Variants in VPS39 observed in about 807,000 individuals in gnomAD.
VPS39 encodes VPS39 subunit of HOPS complex.
A neutral mutation model predicts 121.0 loss-of-function variants in VPS39; 70 were observed. That is an observed-to-expected ratio of 0.58 (90% CI 0.48 to 0.71). The LOEUF is 0.71. Ranked by LOEUF, VPS39 falls within the 30% of genes least tolerant of loss-of-function variation. The pLI, the probability that VPS39 is intolerant of heterozygous loss-of-function variation, is 0.00. For missense variants in VPS39, 818 were observed against 1,051.5 expected, an observed-to-expected ratio of 0.78 and a Z score of 3.07; for synonymous variants, 378 against 398.1, an observed-to-expected ratio of 0.95 and a Z score of 0.60.
intron 12 of VPS39, 136 bp from the exon 13 acceptor site, chr15:42,167,673 C>T (rs574254166): frequency 4.4e-5 from 49 of 1,116,466 alleles, no homozygotes; most frequent in Non-Finnish European, 6.2e-5. Flanking sequence ...ATTTTTAGCA[C>T]TGCCAAATTG....
chr15:42,187,195 T>C, intron 7 of VPS39, 76 bp downstream of exon 7: 1 of 1,214,612 alleles, frequency 8.2e-7, no homozygotes, highest in Non-Finnish European at 1.2e-6. Context: ...AAGTGGTCGC[T>C]TGACCTGGAG....
chr15:42,177,712 G>A (rs144105727), intron 10 of VPS39, among the ~76,000 whole-genome samples: 1,536 of 151,544 alleles, frequency 0.01, 89 homozygotes, highest in Admixed American at 0.088. Context: ...TGTCACCCAA[G>A]CTGGAGTGCA....
chr15:42,178,847 T>G (rs987681714), intron 8 of VPS39: 4 of 344,786 alleles, frequency 1.2e-5, no homozygotes, highest in Non-Finnish European at 2.2e-5. Context: ...ACAAAAACAT[T>G]TATTAAAAAA....
At chr15:42,195,846 A>T (rs1180059769) in intron 2 of VPS39, among the ~76,000 whole-genome samples, 2 of 152,250 alleles carry the variant, frequency 1.3e-5, no homozygotes, top group Non-Finnish European at 1.5e-5. Context: ...AAACCAAAAA[A>T]GAGCCTGCAT....
rs1423340602 is a variant in VPS39 at position 42,199,482 on chromosome 15, C to G, written c.139+414G>C. ...CCTGGTCCTCTCTTCTTGTTCTACC[C>G]CTCATAAGCCAACAAGATATTTTAA... On this transcript the variant is annotated intron_variant, in intron 2 of 24. Transcript: ENST00000318006. 8 of 406,014 alleles carry G rather than the reference C, an allele frequency of 2.0e-5. No homozygotes were observed. In the Admixed American group the frequency reaches 2.2e-4, roughly 11 times the overall value. The allele number at this position is 406,014 out of a possible 1,614,324, so 25.2% of individuals were successfully genotyped here. A position where few individuals can be genotyped will look rare whatever the true frequency, so the allele number is the denominator to read the frequency against.
chr15:42,203,820 A>G (rs1683046664), intron 1 of VPS39, among the ~76,000 whole-genome samples: 1 of 152,236 alleles, frequency 6.6e-6, no homozygotes, highest in Non-Finnish European at 1.5e-5. Context: ...TTATTTAACA[A>G]AGCTGTGCAT....
At chr15:42,195,571 A>G (rs1046622511) in intron 2 of VPS39, among the ~76,000 whole-genome samples, 1 of 152,216 alleles carries the variant, frequency 6.6e-6, no homozygotes, top group African/African-American at 2.4e-5. Context: ...CCCATTCACA[A>G]TTGCTTCAAA....
intron 1 of VPS39, 72 bp downstream of exon 1, chr15:42,208,009 T>A (rs199546148): frequency 6.6e-7 from 1 of 1,512,038 alleles, no homozygotes. Context: ...CCTGTCCACT[T>A]CCCCGGCCTC....
chr15:42,181,834 C>CA (rs1595663848), intron 8 of VPS39, among the ~76,000 whole-genome samples: 1 of 152,224 alleles, frequency 6.6e-6, no homozygotes, highest in East Asian at 1.9e-4. Flanking sequence ...CTCAGCCACC[C>CA]AAGTCCTGGG....
intron 10 of VPS39, among the ~76,000 whole-genome samples, chr15:42,174,746 G>A (rs1595654710): frequency 6.6e-6 from 1 of 152,080 alleles, no homozygotes; most frequent in African/African-American, 2.4e-5. Context: ...GGCCGAGGTG[G>A]GCAGATCACC....
chr15:42,178,258 A>T lies in VPS39; in HGVS notation c.920T>A (p.Leu307His). ...CAATTCAAACTGCTTGTCCTGGAGAAGTTGTTGGATTTGGGTTGCCATGGG... is the reference window on the plus strand; with the variant it reads ...CAATTCAAACTGCTTGTCCTGGAGATGTTGTTGGATTTGGGTTGCCATGGG... ...PVPMATQIQQ[L>H]LQDKQFELAL... The change falls in exon 10 of 25, where the codon CTT (leucine) becomes CAT (histidine). Residue 307 changes from leucine (L) to histidine (H), a missense_variant. Leu to His is a moderately conservative substitution (Grantham distance 99). Transcript: ENST00000318006. The T allele has an allele frequency of 6.2e-7, 1 of 1,614,188 alleles. No homozygotes were observed. The highest frequency in any genetic ancestry group is 8.5e-7 in the Non-Finnish European group (1 of 1,180,028).
intron 1 of VPS39, among the ~76,000 whole-genome samples, chr15:42,205,770 GACT>G (rs1355406596): frequency 6.6e-6 from 1 of 152,150 alleles, no homozygotes; most frequent in Non-Finnish European, 1.5e-5. Flanking sequence ...TCAATGAGAA[GACT>G]ACTACAGTAA....
At chr15:42,200,100 T>A in intron 1 of VPS39, 139 bp from the exon 2 acceptor site, 1 of 758,286 alleles carries the variant, frequency 1.3e-6, no homozygotes, top group Non-Finnish European at 2.0e-6. Context: ...GAGTTGCTTT[T>A]GATAGGAGGT....
intron 2 of VPS39, among the ~76,000 whole-genome samples, chr15:42,195,967 AC>A: frequency 6.6e-6 from 1 of 152,354 alleles, no homozygotes; most frequent in Non-Finnish European, 1.5e-5. Flanking sequence ...TGGAACCAAA[AC>A]AGAGATAGAG....
At position 42,164,663 on chromosome 15, in the gene VPS39, C is replaced by T. The variant is rs978011057; in HGVS notation, c.1898-177G>A. Reference sequence around the variant, plus strand: ...TAGTCTCCATGTGGCCCCAAAACATCAGCTTACGGTTAAAAAAATAAGCTG... The same window carrying T: ...TAGTCTCCATGTGGCCCCAAAACATTAGCTTACGGTTAAAAAAATAAGCTG... On this transcript the variant is annotated intron_variant, in intron 18 of 24. Transcript: ENST00000318006. The T allele has an allele frequency of 1.3e-5, 19 of 1,437,038 alleles. No homozygotes were observed. In the African/African-American group the frequency reaches 2.2e-4, roughly 16 times the overall value. The allele number at this position is 1,437,038 out of a possible 1,614,324, so 89.0% of individuals were successfully genotyped here. A position where few individuals can be genotyped will look rare whatever the true frequency, so the allele number is the denominator to read the frequency against.
intron 12 of VPS39, among the ~76,000 whole-genome samples, chr15:42,168,348 GCA>G (rs2049284196): frequency 6.6e-6 from 1 of 152,110 alleles, no homozygotes; most frequent in Non-Finnish European, 1.5e-5. Flanking sequence ...TTTTTACTTA[GCA>G]CAGTGTGTGC....
intron 2 of VPS39, among the ~76,000 whole-genome samples, chr15:42,197,222 C>T (rs547557469): frequency 6.0e-5 from 9 of 149,894 alleles, no homozygotes; most frequent in East Asian, 2.0e-4. Flanking sequence ...ATATACCTAA[C>T]GTAAATGACG....
rs999639747 is a variant in VPS39 at position 42,166,842 on chromosome 15, G to A, written c.1449C>T (p.His483=). Residue 483 remains histidine, a synonymous_variant, in exon 14 of 25, where the codon CAC becomes CAT. Transcript: ENST00000318006. ...TGTACTTGTGAGCCTTCTTTAGCACGTGCTCGCTCTCCTCGATGTGGCAGT... is the reference window on the plus strand; with the variant it reads ...TGTACTTGTGAGCCTTCTTTAGCACATGCTCGCTCTCCTCGATGTGGCAGT... ...NNHCHIEESE[H]VLKKAHKYSE... The A allele has an allele frequency of 3.7e-6, 6 of 1,614,040 alleles. No individual in the cohort carries two copies. The highest frequency in any genetic ancestry group is 1.6e-4 in the Middle Eastern group (1 of 6,084).
chr15:42,170,386 C>T (rs967658527), intron 11 of VPS39, among the ~76,000 whole-genome samples: 1 of 152,118 alleles, frequency 6.6e-6, no homozygotes, highest in Non-Finnish European at 1.5e-5. Flanking sequence ...GTGCCTGTAT[C>T]CAGCTACTTG....
Sources: allele counts gnomAD v4.1 joint callset (sites outside exome capture counted in the v4.1 genomes callset), GRCh38; gene constraint gnomAD v4.1.1; transcripts MANE v1.5; gene names NCBI Gene and HGNC (gene_info 2026-07-23, HGNC 2026-07-21).